The following MYO1D variants were observed in gnomAD, a reference collection of about 807,000 sequenced individuals.
The protein encoded by MYO1D is unconventional myosin-Id.
Under a neutral mutation model 122.0 loss-of-function variants are expected in MYO1D, and 83 were observed. The observed-to-expected ratio is 0.68, with a 90% confidence interval of 0.57 to 0.82. The LOEUF is 0.82. MYO1D is among the 40% of genes least tolerant of loss of function. The pLI is 0.00. For synonymous variants in MYO1D, 464 were observed against 446.9 expected (o/e 1.04, Z -0.48); for missense variants, 1,157 against 1,269.5 (o/e 0.91, Z 1.35).
chr17:32,636,075 A>C (rs902911735), intron 20 of MYO1D, among the ~76,000 whole-genome samples: 1 of 152,048 alleles, frequency 6.6e-6, no homozygotes, highest in African/African-American at 2.4e-5. Context: ...TTTTCCCACC[A>C]TTTAACTGTG....
At chr17:32,612,773 C>T (rs1248584011) in intron 20 of MYO1D, among the ~76,000 whole-genome samples, 1 of 148,706 alleles carries the variant, frequency 6.7e-6, no homozygotes, top group Non-Finnish European at 1.5e-5. Flanking sequence ...TAATGAAATG[C>T]ATATTTTTTT....
intron 16 of MYO1D, among the ~76,000 whole-genome samples, chr17:32,708,108 G>A (rs1245970476): frequency 6.6e-6 from 1 of 152,144 alleles, no homozygotes; most frequent in Non-Finnish European, 1.5e-5. Context: ...CATCAAAACA[G>A]GATAGTCTTG....
intron 1 of MYO1D, among the ~76,000 whole-genome samples, chr17:32,834,425 C>T (rs1354151279): frequency 6.6e-6 from 1 of 152,140 alleles, no homozygotes; most frequent in Non-Finnish European, 1.5e-5. Flanking sequence ...GTCACCTGGC[C>T]CCCAGTTCTC....
chr17:32,527,073 A>G (rs565562588), intron 21 of MYO1D, among the ~76,000 whole-genome samples: 114 of 152,018 alleles, frequency 7.5e-4, no homozygotes, highest in Non-Finnish European at 1.5e-3. Context: ...TTCTCTACAA[A>G]CACTTTTCGT....
At chr17:32,499,820 G>A (rs1159141131) in intron 21 of MYO1D, among the ~76,000 whole-genome samples, 1 of 151,956 alleles carries the variant, frequency 6.6e-6, no homozygotes, top group Non-Finnish European at 1.5e-5. Context: ...AAAAGTAGCT[G>A]GGTGTGGTGG....
At chr17:32,697,249 A>G (rs2089184797) in intron 16 of MYO1D, among the ~76,000 whole-genome samples, 1 of 152,180 alleles carries the variant, frequency 6.6e-6, no homozygotes, top group Admixed American at 6.5e-5. Flanking sequence ...ATCCACATTT[A>G]TTACTCATTT....
intron 1 of MYO1D, among the ~76,000 whole-genome samples, chr17:32,866,727 GA>G (rs2091128566): frequency 6.6e-6 from 1 of 152,190 alleles, no homozygotes; most frequent in South Asian, 2.1e-4. Flanking sequence ...CAATGTGGGG[GA>G]AAATATTTTT....
chr17:32,588,924 CAG>C (rs1176717110), intron 21 of MYO1D, among the ~76,000 whole-genome samples: 2 of 151,752 alleles, frequency 1.3e-5, no homozygotes, highest in African/African-American at 4.8e-5. Flanking sequence ...GTCTGGGTGA[CAG>C]AGCAAAATTT....
At chr17:32,717,810 C>T (rs1430015675) in intron 15 of MYO1D, among the ~76,000 whole-genome samples, 1 of 152,168 alleles carries the variant, frequency 6.6e-6, no homozygotes, top group Non-Finnish European at 1.5e-5. Flanking sequence ...TAAAAGTGAA[C>T]AAATGTATTT....
intron 16 of MYO1D, among the ~76,000 whole-genome samples, chr17:32,662,903 G>A (rs889577567): frequency 2.0e-5 from 3 of 147,842 alleles, no homozygotes; most frequent in Non-Finnish European, 4.5e-5. Flanking sequence ...TTAGTGGGTC[G>A]TGCTACTTTC....
At chr17:32,830,154 T>G (rs1353812365) in intron 1 of MYO1D, 1 of 152,198 alleles carries the variant, frequency 6.6e-6, no homozygotes, top group Non-Finnish European at 1.5e-5. Context: ...GTGATAACAT[T>G]TAAATCAAGA....
chr17:32,550,210 G>A (rs34578002), intron 21 of MYO1D, among the ~76,000 whole-genome samples: 8,586 of 151,168 alleles, frequency 0.057, 601 homozygotes, highest in African/African-American at 0.17. Context: ...AGTGATTCTC[G>A]TGCCTCAGCC....
intron 21 of MYO1D, among the ~76,000 whole-genome samples, chr17:32,569,491 C>G (rs1212324368): frequency 6.6e-6 from 1 of 152,202 alleles, no homozygotes; most frequent in Admixed American, 6.5e-5. Context: ...CAGCTCTTCC[C>G]CATCTAACCT....
At chr17:32,683,494 T>C (rs577105864) in intron 16 of MYO1D, among the ~76,000 whole-genome samples, 2 of 152,242 alleles carry the variant, frequency 1.3e-5, no homozygotes, top group East Asian at 3.9e-4. Context: ...TGCAGGTCTG[T>C]TGGAATACCC....
At chr17:32,682,222 C>G (rs2088929608) in intron 16 of MYO1D, among the ~76,000 whole-genome samples, 1 of 150,522 alleles carries the variant, frequency 6.6e-6, no homozygotes, top group African/African-American at 2.4e-5. Flanking sequence ...CAGTCTGTGT[C>G]TTTTCATTGG....
At position 32,637,629 on chromosome 17, in the gene MYO1D, C is replaced by T. The variant is rs550814255; in HGVS notation, c.2709+1093G>A. On this transcript the variant is annotated intron_variant, in intron 20 of 21. Transcript: ENST00000318217. ...GAGGTTGCGGTGACCTGATATCGTG[C>T]CACTGCACTCCAGCCTGGGGGACAG... Among the ~76,000 whole-genome samples, 4 of 152,266 alleles carry T rather than the reference C, an allele frequency of 2.6e-5. No individual in the cohort carries two copies. In the East Asian group the frequency reaches 7.7e-4, roughly 29 times the overall value.
chr17:32,578,441 A>T (rs989108424), intron 21 of MYO1D, among the ~76,000 whole-genome samples: 1 of 152,250 alleles, frequency 6.6e-6, no homozygotes, highest in Non-Finnish European at 1.5e-5. Flanking sequence ...AATCAGCACT[A>T]GCTGGCCGAG....
Position 32,494,756 on chromosome 17 carries a change from G to C in MYO1D, c.*3C>G. On this transcript the variant is annotated 3_prime_UTR_variant, in exon 22 of 22. Transcript: ENST00000318217. Reference sequence around the variant, plus strand: ...GGGCTCCGGGCCAGGCCTCCGCGGGGCGTCAGTTCCCGGGCACGCTGAGGA... The same window carrying C: ...GGGCTCCGGGCCAGGCCTCCGCGGGCCGTCAGTTCCCGGGCACGCTGAGGA... 6.3e-7 allele frequency: 1 copy of C among 1,596,554 alleles called. No individual in the cohort carries two copies. The highest frequency in any genetic ancestry group is 8.5e-7 in the Non-Finnish European group (1 of 1,172,174).
intron 1 of MYO1D, among the ~76,000 whole-genome samples, chr17:32,838,642 C>T (rs922571491): frequency 4.6e-5 from 7 of 152,168 alleles, no homozygotes; most frequent in African/African-American, 1.7e-4. Context: ...AATGAGTTTG[C>T]ACTTTATCTT....
Sources: allele counts gnomAD v4.1 joint callset (sites outside exome capture counted in the v4.1 genomes callset), GRCh38; gene constraint gnomAD v4.1.1; transcripts MANE v1.5; gene names NCBI Gene and HGNC (gene_info 2026-07-23, HGNC 2026-07-21).